Variants in IGDCC4 observed in about 807,000 individuals in gnomAD.
IGDCC4 encodes the protein likely ortholog of mouse neighbor of Punc E11.
Under a neutral mutation model 116.6 loss-of-function variants are expected in IGDCC4, and 72 were observed. That is an observed-to-expected ratio of 0.62 (90% CI 0.51 to 0.75). The LOEUF is 0.75. Among genes scored for constraint, IGDCC4 ranks in the 30% least tolerant of loss-of-function variants. IGDCC4 has a pLI of 0.00. For missense variants in IGDCC4, 1,501 were observed against 1,662.4 expected (o/e 0.90, Z 1.69); for synonymous variants, 709 against 719.9 (o/e 0.98, Z 0.24).
chr15:65,397,667 A>T (rs912368847), intron 5 of IGDCC4, among the ~76,000 whole-genome samples: 4 of 91,974 alleles, frequency 4.3e-5, no homozygotes, highest in Admixed American at 1.2e-4. Flanking sequence ...CCGTCTCTAT[A>T]AAAAAAAAAA....
rs2091424314 is a variant in IGDCC4, at chr15:65,383,774, GCACAT to G, written c.*230_*234del. 2 of 465,040 alleles carry G rather than the reference GCACAT, an allele frequency of 4.3e-6. No homozygotes were observed. Among genetic ancestry groups the G allele is most frequent in the South Asian group, 9.5e-5 (2 of 21,140 alleles). The allele number at this position is 465,040 out of a possible 1,614,324, so 28.8% of individuals were successfully genotyped here. ...ACGCATACATGCACTTCACACATGT[GCACAT>G]CACATGTAGCTATGTCTCGTATGTC... On this transcript the variant is annotated 3_prime_UTR_variant, in exon 20 of 20. Coordinates refer to ENST00000352385, the MANE Select transcript of IGDCC4 (RefSeq NM_020962.3).
In IGDCC4 at chr15:65,396,890, G is replaced by GCGCGGCAGACATAGA. The variant is rs1371712426; in HGVS notation, c.926_940dup (p.Val309_Arg313dup). On this transcript the variant is annotated inframe_insertion, in exon 6 of 20. Transcript: ENST00000352385. The stretch of plus-strand genomic sequence containing the variant: ...GAAGTCGCGCGTGCGGGGCTTGTTG[G>GCGCGGCAGACATAGA]CGCGGCAGACATAGACGCCGGAGTG... 6.3e-7 allele frequency: 1 copy of GCGCGGCAGACATAGA among 1,576,242 alleles called. No homozygotes were observed.
chr15:65,383,629 T>G lies in IGDCC4; in HGVS notation c.*380A>C. On this transcript the variant is annotated 3_prime_UTR_variant, in exon 20 of 20. Coordinates refer to ENST00000352385, the MANE Select transcript of IGDCC4 (RefSeq NM_020962.3). ...GAGTGTGTAATAAAAGGCTGGGCGA[T>G]GGAGGTGGGGGCCCACAGGGCTGGG... The G allele has an allele frequency of 5.6e-6, 1 of 179,542 alleles. No individual in the cohort carries two copies. Among genetic ancestry groups the G allele is most frequent in the East Asian group, 1.5e-4 (1 of 6,730 alleles). The allele number at this position is 179,542 out of a possible 1,614,324, so 11.1% of individuals were successfully genotyped here. A position where few individuals can be genotyped will look rare whatever the true frequency, so the allele number is the denominator to read the frequency against.
At chr15:65,397,897 C>A (rs193302721) in intron 5 of IGDCC4, among the ~76,000 whole-genome samples, 1 of 152,042 alleles carries the variant, frequency 6.6e-6, no homozygotes, top group Non-Finnish European at 1.5e-5. Context: ...ACTGTAACAG[C>A]GGATAACTGG....
intron 3 of IGDCC4, among the ~76,000 whole-genome samples, chr15:65,408,060 G>A (rs1156885302): frequency 6.6e-6 from 1 of 152,148 alleles, no homozygotes; most frequent in Admixed American, 6.5e-5. Context: ...GAGTCACCGC[G>A]CCCAGCCATA....
In IGDCC4 at chr15:65,385,113, G is replaced by C; in HGVS notation, c.3183C>G (p.Ile1061Met). 1 of 1,590,218 alleles carries C rather than the reference G, an allele frequency of 6.3e-7. No individual in the cohort carries two copies. Among genetic ancestry groups the C allele is most frequent in the Non-Finnish European group, 8.5e-7 (1 of 1,174,670 alleles). Reference sequence around the variant, plus strand: ...TCAGCCCGCTTGGTTGAGCCCAGGAGATCTGCACGGGGGAAAGAAGGGGAC... The same window carrying C: ...TCAGCCCGCTTGGTTGAGCCCAGGACATCTGCACGGGGGAAAGAAGGGGAC... ...SEGRSHSKRKISWAQPSGLSW... is the reference protein window; with the variant it reads ...SEGRSHSKRKMSWAQPSGLSW... The change falls in exon 19 of 20, where the codon ATC becomes ATG. Residue 1061 changes from isoleucine (I) to methionine (M), a missense_variant and splice_region_variant. Coordinates refer to ENST00000352385, the MANE Select transcript of IGDCC4 (RefSeq NM_020962.3).
In IGDCC4 at chr15:65,393,393, T is replaced by A. The variant is rs777874300; in HGVS notation, c.1853A>T (p.His618Leu). The A allele has an allele frequency of 5.6e-6, 9 of 1,613,208 alleles. No individual in the cohort carries two copies. Among genetic ancestry groups the A allele is most frequent in the Non-Finnish European group, 7.6e-6 (9 of 1,179,644 alleles). The change falls in exon 10 of 20, where the codon CAC (histidine) becomes CTC (leucine). Residue 618 changes from histidine to leucine, a missense_variant. His to Leu is a moderately conservative substitution (Grantham distance 99). This residue lies in a region of IGDCC4 where 898 missense variants were observed against 978.9 expected (regional missense o/e 0.92). Coordinates refer to ENST00000352385, the MANE Select transcript of IGDCC4 (RefSeq NM_020962.3). The surrounding 1 kb of genome is among the most constrained non-coding windows in gnomAD (Gnocchi z 4.6). ...GFGAPSQWMH[H>L]RTPSMHNQSH... ...CTGGTTGTGCATACTGGGCGTCCTGTGATGCATCCACTGGGAGGGGGCCCC... is the reference window on the plus strand; with the variant it reads ...CTGGTTGTGCATACTGGGCGTCCTGAGATGCATCCACTGGGAGGGGGCCCC...
Position 65,388,531 on chromosome 15 carries a change from G to A in IGDCC4, c.2763C>T (p.Phe921=), listed in dbSNP as rs778466995. ...CCACCTCTGTGCGCGCCCCCATCTT[G>A]AAGAAGTACCGAGTGTCGCTCTCCA... The part of the protein sequence containing the change: ...HGLESDTRYF[F]KMGARTEVGP... Residue 921 remains phenylalanine, a synonymous_variant, in exon 16 of 20, where the codon TTC becomes TTT. Coordinates refer to ENST00000352385, the MANE Select transcript of IGDCC4 (RefSeq NM_020962.3). 1.9e-6 allele frequency: 3 copies of A among 1,614,160 alleles called. No individual in the cohort carries two copies. Among genetic ancestry groups the A allele is most frequent in the Non-Finnish European group, 2.5e-6 (3 of 1,180,038 alleles).
At chr15:65,413,633 C>T (rs16948719) in intron 1 of IGDCC4, among the ~76,000 whole-genome samples, 31,516 of 152,194 alleles carry the variant, frequency 0.21, 4,158 homozygotes, top group East Asian at 0.69. Context: ...CCTGCTGCCT[C>T]CTTGTCTTAT....
In IGDCC4 at chr15:65,385,821, T is replaced by C; in HGVS notation, c.3180+10A>G. The C allele has an allele frequency of 6.2e-7, 1 of 1,607,338 alleles. No homozygotes were observed. Among genetic ancestry groups the C allele is most frequent in the Non-Finnish European group, 8.5e-7 (1 of 1,175,430 alleles). ...TTAGAAAAGAGCCGCAATGTGGGGC[T>C]CTGACTTACCTTTCTTTTGGAGTGA... On this transcript the variant is annotated intron_variant, in intron 18 of 19. Transcript: ENST00000352385.
At chr15:65,404,339 A>G (rs1215110277) in intron 3 of IGDCC4, among the ~76,000 whole-genome samples, 1 of 152,158 alleles carries the variant, frequency 6.6e-6, no homozygotes, top group Non-Finnish European at 1.5e-5. Flanking sequence ...AGAGAAAGGG[A>G]CAGGGAGACA....
At chr15:65,390,125 C>T in intron 13 of IGDCC4, 30 bp downstream of exon 13, 1 of 1,509,710 alleles carries the variant, frequency 6.6e-7, no homozygotes, top group Non-Finnish European at 9.0e-7. Context: ...TTCCTCCCTT[C>T]TTTACATTAG....
At position 65,392,115 on chromosome 15, in the gene IGDCC4, TC is replaced by T. The variant is rs757838085; in HGVS notation, c.2122+18del. On this transcript the variant is annotated intron_variant, in intron 11 of 19. Transcript: ENST00000352385. ...CTGAAGCTACATCCCTCCCTCCCCC[TC>T]CCCCCAGCCCTCCTCACCTAGCTGG... 12 of 811,554 alleles carry T rather than the reference TC, an allele frequency of 1.5e-5. No homozygotes were observed. Among genetic ancestry groups the T allele is most frequent in the South Asian group, 1.5e-5 (1 of 65,376 alleles). The allele number at this position is 811,554 out of a possible 1,614,324, so 50.3% of individuals were successfully genotyped here. A position where few individuals can be genotyped will look rare whatever the true frequency, so the allele number is the denominator to read the frequency against.
At position 65,396,180 on chromosome 15, in the gene IGDCC4, C is replaced by A; in HGVS notation, c.998-17G>T. ...CGGGAGCCGCTAGGGGCGCGAGGGG[C>A]GACGCTGAGCGCGGGATCCCGCAAC... On this transcript the variant is annotated splice_polypyrimidine_tract_variant and intron_variant, in intron 6 of 19. Coordinates refer to ENST00000352385, the MANE Select transcript of IGDCC4 (RefSeq NM_020962.3). 1 of 1,497,218 alleles carries A rather than the reference C, an allele frequency of 6.7e-7. No individual in the cohort carries two copies. Among genetic ancestry groups the A allele is most frequent in the Non-Finnish European group, 8.9e-7 (1 of 1,128,752 alleles). 92.7% of individuals were successfully genotyped at this position (1,497,218 alleles called of 1,614,324 possible).
intron 1 of IGDCC4, among the ~76,000 whole-genome samples, chr15:65,421,883 AC>A (rs1370683167): frequency 6.6e-6 from 1 of 150,596 alleles, no homozygotes. Context: ...CTAGACACAC[AC>A]CCTTGGGGAC....
chr15:65,413,395 G>A (rs1444375392), intron 1 of IGDCC4, among the ~76,000 whole-genome samples: 1 of 152,100 alleles, frequency 6.6e-6, no homozygotes, highest in African/African-American at 2.4e-5. Context: ...CTCAATCCAG[G>A]GTTCTTTTTT....
At chr15:65,385,247 T>C in intron 18 of IGDCC4, 132 bp from the exon 19 acceptor site, 4 of 947,518 alleles carry the variant, frequency 4.2e-6, no homozygotes, top group Non-Finnish European at 6.1e-6. Context: ...TCTCTCCCTC[T>C]CCAAGGCTCT....
At chr15:65,422,702 C>T in intron 1 of IGDCC4, 91 bp downstream of exon 1, 2 of 1,082,830 alleles carry the variant, frequency 1.8e-6, no homozygotes, top group Non-Finnish European at 1.2e-6. Flanking sequence ...GGGACTCCGG[C>T]TTGAGCCAGC....
intron 10 of IGDCC4, 47 bp from the exon 11 acceptor site, chr15:65,392,417 G>T: frequency 7.1e-7 from 1 of 1,403,916 alleles, no homozygotes; most frequent in Non-Finnish European, 9.6e-7. Context: ...ACAGAATGCA[G>T]AATGAGGAGA....
Sources: gnomAD v4.1 joint callset for allele counts (sites outside exome capture counted in the v4.1 genomes callset) on GRCh38, gnomAD v4.1.1 for gene constraint, gnomAD v4.1.1 regional missense constraint, Gnocchi (gnomAD v3.1) non-coding constraint, MANE v1.5 for transcripts, NCBI Gene and HGNC (gene_info 2026-07-23, HGNC 2026-07-21) for gene names.